Variants in PTPRG observed in about 807,000 individuals in gnomAD.
PTPRG encodes the protein receptor-type tyrosine-protein phosphatase gamma.
Under a neutral mutation model 165.3 loss-of-function variants are expected in PTPRG, and 102 were observed. That is an observed-to-expected ratio of 0.62 (90% CI 0.53 to 0.73). PTPRG has a LOEUF of 0.73. PTPRG is among the 30% of genes least tolerant of loss of function. The pLI is 0.00. For synonymous variants in PTPRG, 675 were observed against 669.5 expected (o/e 1.01, Z -0.13); for missense variants, 1,866 against 1,861.4 (o/e 1.00, Z -0.05).
intron 28 of PTPRG, among the ~76,000 whole-genome samples, chr3:62,283,978 A>G (rs188449714): frequency 1.3e-5 from 2 of 152,262 alleles, no homozygotes; most frequent in Non-Finnish European, 2.9e-5. Flanking sequence ...AACAGTGTTT[A>G]AATAGCACAG....
At chr3:61,791,730 C>T (rs9822176) in intron 2 of PTPRG, among the ~76,000 whole-genome samples, 4,639 of 152,246 alleles carry the variant, frequency 0.03, 172 homozygotes, top group African/African-American at 0.089. Flanking sequence ...TCAGGTGATC[C>T]GCCCATCTCG....
intron 2 of PTPRG, among the ~76,000 whole-genome samples, chr3:61,796,398 C>T (rs770751085): frequency 2.6e-5 from 4 of 152,306 alleles, no homozygotes; most frequent in African/African-American, 7.2e-5. Flanking sequence ...TAATAAATAA[C>T]GGCTGTGACT....
intron 5 of PTPRG, among the ~76,000 whole-genome samples, chr3:62,126,105 G>A (rs1703281670): frequency 1.3e-5 from 2 of 152,142 alleles, no homozygotes; most frequent in Admixed American, 6.5e-5. Context: ...CTGCAAGACT[G>A]CTCCTGGCAA....
At chr3:61,751,119 A>T (rs567380299) in intron 2 of PTPRG, 12 of 152,364 alleles carry the variant, frequency 7.9e-5, no homozygotes, top group African/African-American at 2.9e-4. Flanking sequence ...ATTCGACAGT[A>T]TCTATGGTTG....
At position 62,219,825 on chromosome 3, in the gene PTPRG, A is replaced by C. The variant is rs576347169; in HGVS notation, c.2288+842A>C. Among the ~76,000 whole-genome samples, 2 of 152,392 alleles carry C rather than the reference A, an allele frequency of 1.3e-5. No homozygotes were observed. Among genetic ancestry groups the C allele is most frequent in the South Asian group, 2.1e-4 (1 of 4,834 alleles). ...TTCTGAAGAAGTGAGTAAAACAGAT[A>C]AGAATCCTTACTGTCATGGAGCTTA... On this transcript the variant is annotated intron_variant, in intron 13 of 29. Coordinates refer to ENST00000474889, the MANE Select transcript of PTPRG (RefSeq NM_002841.4). This position sits in a 1 kb window ranked among gnomAD's most constrained non-coding sequence, Gnocchi z 4.5.
chr3:61,987,263 G>A lies in PTPRG; in HGVS notation c.191-2362G>A, dbSNP rs112195402. 6.7e-3 allele frequency among the ~76,000 whole-genome samples: 1,018 copies of A among 152,318 alleles called. 10 individuals carry two copies. Among genetic ancestry groups the A allele is most frequent in the African/African-American group, 0.023 (971 of 41,566 alleles). ...GTTTCAATTAAAATTGCACTTGAATGTATATTGGGTGGAAGTGTGAAAGCA... is the reference window on the plus strand; with the variant it reads ...GTTTCAATTAAAATTGCACTTGAATATATATTGGGTGGAAGTGTGAAAGCA... On this transcript the variant is annotated intron_variant, in intron 2 of 29. Transcript: ENST00000474889.
chr3:61,906,778 TGTAG>T (rs71123239), intron 2 of PTPRG, among the ~76,000 whole-genome samples: 50,154 of 146,668 alleles, frequency 0.34, 8,816 homozygotes, highest in East Asian at 0.49. Flanking sequence ...AGTGAGACCC[TGTAG>T]GTAGGTAGGT....
chr3:61,992,236 C>T (rs1331953358), intron 3 of PTPRG, among the ~76,000 whole-genome samples: 2 of 136,110 alleles, frequency 1.5e-5, no homozygotes, highest in African/African-American at 3.0e-5. Flanking sequence ...AAACAAAGAA[C>T]ATGCATTTTT....
intron 8 of PTPRG, among the ~76,000 whole-genome samples, chr3:62,178,071 AT>A (rs1276280898): frequency 1.3e-5 from 2 of 151,924 alleles, no homozygotes; most frequent in Non-Finnish European, 2.9e-5. Flanking sequence ...GGATGGATGG[AT>A]GAAAATGTGA....
chr3:62,104,012 A>G (rs1025143260), intron 5 of PTPRG, among the ~76,000 whole-genome samples: 2 of 152,244 alleles, frequency 1.3e-5, no homozygotes, highest in African/African-American at 4.8e-5. Flanking sequence ...CATCCCTCTG[A>G]TTAACCAATG....
chr3:61,664,611 T>C (rs1702754812), intron 1 of PTPRG, among the ~76,000 whole-genome samples: 1 of 152,178 alleles, frequency 6.6e-6, no homozygotes, highest in African/African-American at 2.4e-5. Flanking sequence ...GGTAGGTCAC[T>C]TTGAGCCCAA....
chr3:61,981,221 A>C (rs1442305956), intron 2 of PTPRG, among the ~76,000 whole-genome samples: 1 of 152,154 alleles, frequency 6.6e-6, no homozygotes, highest in East Asian at 1.9e-4. Context: ...GGATGGGGGA[A>C]ACCGCCCATA....
At chr3:61,849,402 G>A (rs1018539270) in intron 2 of PTPRG, among the ~76,000 whole-genome samples, 10 of 152,122 alleles carry the variant, frequency 6.6e-5, no homozygotes, top group African/African-American at 1.9e-4. Flanking sequence ...CTGGAAATGC[G>A]GTGAAAAGAT....
intron 17 of PTPRG, chr3:62,263,096 C>T (rs1701749083): frequency 2.0e-6 from 1 of 500,362 alleles, no homozygotes; most frequent in Middle Eastern, 5.3e-4. Context: ...TGTCAGGGCT[C>T]AGCGAGCTTA....
At chr3:61,653,457 T>C (rs1702416294) in intron 1 of PTPRG, among the ~76,000 whole-genome samples, 1 of 30,908 alleles carries the variant, frequency 3.2e-5, no homozygotes, top group African/African-American at 1.1e-4. Context: ...GGACATTTTA[T>C]TTGTTTTCAT....
intron 10 of PTPRG, among the ~76,000 whole-genome samples, chr3:62,199,826 A>G (rs1014225799): frequency 2.6e-5 from 4 of 152,202 alleles, no homozygotes; most frequent in African/African-American, 7.2e-5. Context: ...ATTATTTGCA[A>G]TAGCCAAAAG....
chr3:62,128,624 A>G (rs1024948076), intron 5 of PTPRG, among the ~76,000 whole-genome samples: 6 of 151,162 alleles, frequency 4.0e-5, no homozygotes, highest in Non-Finnish European at 8.8e-5. Flanking sequence ...CCTCATGACA[A>G]CATTATGAGA....
chr3:61,829,514 C>T (rs375574644), intron 2 of PTPRG, among the ~76,000 whole-genome samples: 1 of 152,176 alleles, frequency 6.6e-6, no homozygotes, highest in African/African-American at 2.4e-5. Flanking sequence ...GGATCAGGCC[C>T]GAAGAAAGCC....
rs1264624269 is a variant in PTPRG at position 61,965,759 on chromosome 3, T to C, written c.191-23866T>C. On this transcript the variant is annotated intron_variant, in intron 2 of 29. Coordinates refer to ENST00000474889, the MANE Select transcript of PTPRG (RefSeq NM_002841.4). The stretch of plus-strand genomic sequence containing the variant: ...ATTTCACCTCATGTAATTCTAAGAG[T>C]TAGGTGCTGCAATTATTCTCATTTT... Among the ~76,000 whole-genome samples, 5 of 152,186 alleles carry C rather than the reference T, an allele frequency of 3.3e-5. No individual in the cohort carries two copies. In the East Asian group the frequency reaches 9.6e-4, roughly 29 times the overall value.
Sources: allele counts gnomAD v4.1 joint callset (sites outside exome capture counted in the v4.1 genomes callset), GRCh38; gene constraint gnomAD v4.1.1; non-coding constraint Gnocchi (gnomAD v3.1); transcripts MANE v1.5; gene names NCBI Gene and HGNC (gene_info 2026-07-23, HGNC 2026-07-21).